PDE3A: variants seen among roughly 807,000 people sequenced by gnomAD.
PDE3A encodes the protein cGMP-inhibited 3',5'-cyclic phosphodiesterase 3A.
PDE3A carries 43 observed loss-of-function variants against 98.3 expected under a neutral mutation model. That is an observed-to-expected ratio of 0.44 (90% CI 0.34 to 0.56). The LOEUF (loss-of-function observed/expected upper bound fraction) is 0.56. Ranked by LOEUF, PDE3A falls within the 20% of genes least tolerant of loss-of-function variation. The pLI is 0.01. For missense variants in PDE3A, 1,427 were observed against 1,440.7 expected (o/e 0.99, Z 0.15); for synonymous variants, 663 against 567.9 (o/e 1.17, Z -2.38).
Position 20,369,645 on chromosome 12 carries a change from G to A in PDE3A, c.361G>A (p.Gly121Arg), listed in dbSNP as rs1332661723. The A allele has an allele frequency of 6.3e-7, 1 of 1,597,668 alleles. No homozygotes were observed. The highest frequency in any genetic ancestry group is 2.3e-5 in the East Asian group (1 of 44,236). Residue 121 changes from glycine to arginine, a missense_variant, in exon 1 of 16, where the codon GGG (glycine) becomes AGG (arginine). This residue lies in a region of PDE3A where 1,012 missense variants were observed against 886.5 expected (regional missense o/e 1.14). Transcript: ENST00000359062. ...CCCGGGGCCTCGGGGAGGTGCTCCC[G>A]GGGGCGGTGCGCGGCTCAGCCCCTG... is the stretch of plus-strand genomic sequence containing the variant. ...VFPGPRGGAP[G>R]GGARLSPWLQ...
At chr12:20,645,827 A>G (rs1421286694) in intron 10 of PDE3A, among the ~76,000 whole-genome samples, 4 of 151,892 alleles carry the variant, frequency 2.6e-5, no homozygotes, top group African/African-American at 9.7e-5. Flanking sequence ...GTAGGTTTTA[A>G]CTCTTCTAAA....
chr12:20,579,006 T>C (rs1207420925), intron 2 of PDE3A, among the ~76,000 whole-genome samples: 1 of 152,186 alleles, frequency 6.6e-6, no homozygotes, highest in Non-Finnish European at 1.5e-5. Flanking sequence ...ATTTTTTTTC[T>C]CGGATGTACT....
intron 1 of PDE3A, among the ~76,000 whole-genome samples, chr12:20,534,317 G>A (rs1941700653): frequency 1.3e-5 from 2 of 152,124 alleles, no homozygotes; most frequent in Admixed American, 6.6e-5. Flanking sequence ...TACGCAATAT[G>A]GATTTGCTTG....
intron 1 of PDE3A, among the ~76,000 whole-genome samples, chr12:20,545,477 CT>C (rs1050259229): frequency 1.8e-4 from 27 of 151,946 alleles, no homozygotes; most frequent in African/African-American, 6.5e-4. Flanking sequence ...TGGAATTTAG[CT>C]AGTTATCACC....
intron 1 of PDE3A, among the ~76,000 whole-genome samples, chr12:20,493,001 T>G (rs1037128225): frequency 2.6e-5 from 4 of 152,200 alleles, no homozygotes; most frequent in African/African-American, 9.7e-5. Flanking sequence ...TTTATTTTCC[T>G]TATTGATTTA....
At chr12:20,667,973 G>A (rs575596133) in intron 15 of PDE3A, among the ~76,000 whole-genome samples, 23 of 152,248 alleles carry the variant, frequency 1.5e-4, no homozygotes, top group Admixed American at 3.3e-4. Flanking sequence ...GACAGTGGGC[G>A]CAGGTCAGTG....
chr12:20,514,231 T>C (rs927234864), intron 1 of PDE3A, among the ~76,000 whole-genome samples: 3 of 152,202 alleles, frequency 2.0e-5, no homozygotes, highest in African/African-American at 7.2e-5. Context: ...ATACCTCATA[T>C]TTTGCTTGTT....
chr12:20,477,740 A>G (rs1945554778), intron 1 of PDE3A, among the ~76,000 whole-genome samples: 1 of 152,212 alleles, frequency 6.6e-6, no homozygotes, highest in Non-Finnish European at 1.5e-5. Context: ...TTTCTCTGTC[A>G]TCCAGTATGT....
At chr12:20,598,092 G>A (rs1943507856) in intron 2 of PDE3A, among the ~76,000 whole-genome samples, 1 of 151,866 alleles carries the variant, frequency 6.6e-6, no homozygotes. Context: ...CTATTTTTAA[G>A]TTTGAAAACT....
At chr12:20,507,139 G>C (rs1376603131) in intron 1 of PDE3A, among the ~76,000 whole-genome samples, 1 of 151,848 alleles carries the variant, frequency 6.6e-6, no homozygotes, top group East Asian at 1.9e-4. Context: ...CCTCATCCCA[G>C]AAGCCAGAAT....
At chr12:20,392,731 T>C (rs1217070701) in intron 1 of PDE3A, among the ~76,000 whole-genome samples, 2 of 152,048 alleles carry the variant, frequency 1.3e-5, no homozygotes, top group African/African-American at 4.8e-5. Flanking sequence ...TTAACTTCAG[T>C]GTCTATCAAC....
chr12:20,638,060 A>G (rs1944559802), intron 9 of PDE3A, among the ~76,000 whole-genome samples: 1 of 152,148 alleles, frequency 6.6e-6, no homozygotes, highest in Non-Finnish European at 1.5e-5. Flanking sequence ...TTGTGAATAT[A>G]AGACTTAGGT....
intron 10 of PDE3A, among the ~76,000 whole-genome samples, chr12:20,641,949 A>G (rs1944654873): frequency 6.6e-6 from 1 of 152,058 alleles, no homozygotes; most frequent in Non-Finnish European, 1.5e-5. Context: ...ATCTAATAAT[A>G]TTTCATATGT....
At position 20,653,373 on chromosome 12, in the gene PDE3A, A is replaced by ATT. The variant is rs71039965; in HGVS notation, c.2926-564_2926-563dup. On this transcript the variant is annotated intron_variant, in intron 14 of 15. Coordinates refer to ENST00000359062, the MANE Select transcript of PDE3A (RefSeq NM_000921.5). ...TTAAAAAAATTGTTCTCACTATTGC[A>ATT]TTTTTTTTTTTGAGATGGAGTCTCA... Among the ~76,000 whole-genome samples, 864 of 147,642 alleles carry ATT rather than the reference A, an allele frequency of 5.9e-3. 10 individuals are homozygous for ATT. The highest frequency in any genetic ancestry group is 0.02 in the African/African-American group (796 of 40,582).
At chr12:20,620,507 C>T (rs982677732) in intron 4 of PDE3A, among the ~76,000 whole-genome samples, 2 of 152,042 alleles carry the variant, frequency 1.3e-5, no homozygotes, top group African/African-American at 4.8e-5. Context: ...TTAAGCAACA[C>T]ATGCAGAGAA....
At position 20,552,112 on chromosome 12, in the gene PDE3A, C is replaced by G; in HGVS notation, c.961-4548C>G. ...TTCCGGCAACAAGAGGACCGCGGAA[C>G]AGTCTTGTGATCAGAAACTCACCAA... On this transcript the variant is annotated intron_variant, in intron 1 of 15. Coordinates refer to ENST00000359062, the MANE Select transcript of PDE3A (RefSeq NM_000921.5). This position sits in a 1 kb window ranked among gnomAD's most constrained non-coding sequence, Gnocchi z 5.1. The G allele has an allele frequency of 1.2e-6, 2 of 1,613,278 alleles. No individual in the cohort carries two copies. The highest frequency in any genetic ancestry group is 2.2e-5 in the South Asian group (2 of 91,044).
chr12:20,534,622 AC>A lies in PDE3A; in HGVS notation c.961-22036del, dbSNP rs538407494. ...AATATTGAAATCTCATTGCTTGGCA[AC>A]CACTCTAGACCTTTGGACACATTTT... On this transcript the variant is annotated intron_variant, in intron 1 of 15. Transcript: ENST00000359062. Among the ~76,000 whole-genome samples, 27 of 152,296 alleles carry A rather than the reference AC, an allele frequency of 1.8e-4. No individual in the cohort carries two copies. The South Asian group carries it at 5.6e-3, about 32-fold the overall frequency.
intron 13 of PDE3A, among the ~76,000 whole-genome samples, chr12:20,649,196 G>T (rs750118640): frequency 2.0e-5 from 3 of 152,002 alleles, no homozygotes; most frequent in Non-Finnish European, 4.4e-5. Flanking sequence ...CTCCCAAAGT[G>T]CTGGGATTAC....
intron 15 of PDE3A, among the ~76,000 whole-genome samples, chr12:20,659,405 G>A (rs1945109759): frequency 6.6e-6 from 1 of 152,058 alleles, no homozygotes; most frequent in Non-Finnish European, 1.5e-5. Context: ...TGACCTCCAA[G>A]TTTCTTTGTC....
Sources: allele counts gnomAD v4.1 joint callset (sites outside exome capture counted in the v4.1 genomes callset), GRCh38; gene constraint gnomAD v4.1.1; regional missense constraint gnomAD v4.1.1; non-coding constraint Gnocchi (gnomAD v3.1); transcripts MANE v1.5; gene names NCBI Gene and HGNC (gene_info 2026-07-23, HGNC 2026-07-21).